PTPRT: variants seen among roughly 807,000 people sequenced by gnomAD.
The protein encoded by PTPRT is receptor-type tyrosine-protein phosphatase T.
In PTPRT, 56 loss-of-function variants were observed where a neutral mutation model predicts 176.8. The ratio of observed to expected loss-of-function variants is 0.32; its 90% CI spans 0.26 to 0.40. PTPRT has a LOEUF of 0.40. Among genes scored for constraint, PTPRT ranks in the 10% least tolerant of loss-of-function variants. The pLI, the probability that PTPRT is intolerant of heterozygous loss-of-function variation, is 1.00. For missense variants in PTPRT, 1,540 were observed against 1,908.2 expected, an observed-to-expected ratio of 0.81 and a Z score of 3.60; for synonymous variants, 783 against 739.0, an observed-to-expected ratio of 1.06 and a Z score of -0.96.
At chr20:42,768,631 T>C (rs566784484) in intron 5 of PTPRT, among the ~76,000 whole-genome samples, 24 of 152,226 alleles carry the variant, frequency 1.6e-4, no homozygotes, top group Non-Finnish European at 3.5e-4. Context: ...GTTAGTAACG[T>C]GTGCAGAAAT....
intron 15 of PTPRT, 33 bp downstream of exon 15, chr20:42,236,196 A>C: frequency 6.4e-7 from 1 of 1,563,636 alleles, no homozygotes. Context: ...CTTACAGGGC[A>C]CGAAGCAAAG....
chr20:42,756,786 A>G, intron 5 of PTPRT, 150 bp from the exon 6 acceptor site: 1 of 664,342 alleles, frequency 1.5e-6, no homozygotes, highest in East Asian at 3.1e-5. Context: ...ACAGTGGCTC[A>G]TGCCTGTAAT....
chr20:42,580,036 G>A (rs999191982), intron 7 of PTPRT, among the ~76,000 whole-genome samples: 1 of 152,088 alleles, frequency 6.6e-6, no homozygotes, highest in Non-Finnish European at 1.5e-5. Context: ...TATGGCTTTA[G>A]GTCTAACATG....
At chr20:42,690,835 C>G (rs2075781743) in intron 6 of PTPRT, among the ~76,000 whole-genome samples, 1 of 152,150 alleles carries the variant, frequency 6.6e-6, no homozygotes, top group Admixed American at 6.5e-5. Flanking sequence ...GAGTTTCTTC[C>G]CATGTAAAAT....
chr20:42,625,665 A>G (rs1386889011), intron 7 of PTPRT, among the ~76,000 whole-genome samples: 4 of 152,040 alleles, frequency 2.6e-5, no homozygotes, highest in African/African-American at 7.2e-5. Flanking sequence ...GGGTGAGTCT[A>G]TAATTCTCAG....
chr20:42,614,872 G>A (rs912783402), intron 7 of PTPRT, among the ~76,000 whole-genome samples: 1 of 151,878 alleles, frequency 6.6e-6, no homozygotes, highest in Non-Finnish European at 1.5e-5. Context: ...GGTGGTCTCA[G>A]GCAAAGAGAG....
the PTPRT span, among the ~76,000 whole-genome samples, chr20:42,037,321 G>A: frequency 0.014 from 2,117 of 152,298 alleles, 19 homozygotes; most frequent in Non-Finnish European, 0.023. Context: ...AGCTCACATG[G>A]AAGTTCCCTC....
chr20:43,179,398 C>T (rs1285900352), intron 1 of PTPRT, among the ~76,000 whole-genome samples: 1 of 152,108 alleles, frequency 6.6e-6, no homozygotes, highest in Non-Finnish European at 1.5e-5. Flanking sequence ...AAATAAGCGC[C>T]AATTTTAAAA....
rs559591937 is a variant in PTPRT at position 42,456,451 on chromosome 20, G to T, written c.1451-8122C>A. ...GTCTATCTCCAATTTCAAAGATAAT[G>T]ATGATATTGTTTCATCTTTGAGTAT... On this transcript the variant is annotated intron_variant, in intron 8 of 30. Transcript: ENST00000373187. Among the ~76,000 whole-genome samples the T allele has an allele frequency of 6.6e-5, 10 of 152,114 alleles. No homozygotes were observed. The East Asian group carries it at 1.9e-3, about 29-fold the overall frequency.
intron 1 of PTPRT, among the ~76,000 whole-genome samples, chr20:43,117,680 A>G (rs1275191861): frequency 6.6e-6 from 1 of 152,198 alleles, no homozygotes; most frequent in Admixed American, 6.5e-5. Flanking sequence ...AAACAAGTGC[A>G]CTGTAGCGGC....
chr20:42,491,893 AT>A (rs1400890202), intron 7 of PTPRT, among the ~76,000 whole-genome samples: 2 of 152,048 alleles, frequency 1.3e-5, no homozygotes, highest in Non-Finnish European at 2.9e-5. Flanking sequence ...TCCATCTATA[AT>A]TTTTTTATCA....
intron 30 of PTPRT, 57 bp from the exon 31 acceptor site, chr20:42,080,989 AAAAGG>A: frequency 7.1e-7 from 1 of 1,413,458 alleles, no homozygotes; most frequent in South Asian, 1.2e-5. Flanking sequence ...AGAGAGATGA[AAAAGG>A]AAAGGGAAAA....
In PTPRT at chr20:42,624,945, C is replaced by T. The variant is rs79689739; in HGVS notation, c.1153+52921G>A. On this transcript the variant is annotated intron_variant, in intron 7 of 30. Coordinates refer to ENST00000373187, the MANE Select transcript of PTPRT (RefSeq NM_007050.6). The stretch of plus-strand genomic sequence containing the variant: ...TCAGCCCTAAGGGACTCCAGAGGTA[C>T]CACAGTCAAGTTCCAAATTTGGCTT... Among the ~76,000 whole-genome samples the T allele has an allele frequency of 2.3e-3, 344 of 152,208 alleles. 5 individuals carry two copies. The highest frequency in any genetic ancestry group is 0.014 in the East Asian group (70 of 5,172).
chr20:42,348,342 C>T (rs79072444), intron 11 of PTPRT, among the ~76,000 whole-genome samples: 5,449 of 151,832 alleles, frequency 0.036, 101 homozygotes, highest in Middle Eastern at 0.1. Context: ...CAGACACCAA[C>T]CATTTCCCCT....
chr20:42,998,220 A>C (rs549611236), intron 1 of PTPRT, among the ~76,000 whole-genome samples: 8 of 152,198 alleles, frequency 5.3e-5, no homozygotes, highest in Non-Finnish European at 1.2e-4. Flanking sequence ...GAGTTGGTTG[A>C]ACTTCAGGTC....
chr20:42,639,557 T>C lies in PTPRT; in HGVS notation c.1153+38309A>G, dbSNP rs2074690466. Among the ~76,000 whole-genome samples, 3 of 151,852 alleles carry C rather than the reference T, an allele frequency of 2.0e-5. No individual in the cohort carries two copies. The South Asian group carries it at 6.2e-4, about 32-fold the overall frequency. On this transcript the variant is annotated intron_variant, in intron 7 of 30. Coordinates refer to ENST00000373187, the MANE Select transcript of PTPRT (RefSeq NM_007050.6). ...TCATTTTGTAGGGGACACAGGAGGG[T>C]ACATTCCCCTAGCACAGCCTACAGC...
chr20:42,236,335 G>T, intron 14 of PTPRT, 77 bp from the exon 15 acceptor site: 1 of 1,213,186 alleles, frequency 8.2e-7, no homozygotes, highest in Non-Finnish European at 1.2e-6. Context: ...ACAAGAATTA[G>T]ATTTTTAATG....
At chr20:42,927,688 A>T (rs1057442782) in intron 1 of PTPRT, among the ~76,000 whole-genome samples, 17 of 152,202 alleles carry the variant, frequency 1.1e-4, no homozygotes, top group Non-Finnish European at 2.4e-4. Flanking sequence ...ACCAGAGTTC[A>T]CAGCCCAGCA....
chr20:42,891,546 C>G (rs2079192546), intron 1 of PTPRT, among the ~76,000 whole-genome samples: 1 of 152,148 alleles, frequency 6.6e-6, no homozygotes, highest in Admixed American at 6.5e-5. Context: ...AAAAATAGTG[C>G]AGGATACATA....
Sources: gnomAD v4.1 joint callset for allele counts (sites outside exome capture counted in the v4.1 genomes callset) on GRCh38, gnomAD v4.1.1 for gene constraint, MANE v1.5 for transcripts, NCBI Gene and HGNC (gene_info 2026-07-23, HGNC 2026-07-21) for gene names.